The following GMEB1 variants were observed in gnomAD, a reference collection of about 807,000 sequenced individuals.
The protein encoded by GMEB1 is glucocorticoid modulatory element-binding protein 1.
A neutral mutation model predicts 52.4 loss-of-function variants in GMEB1; 6 were observed. The observed-to-expected ratio is 0.11, with a 90% CI of 0.06 to 0.23. The LOEUF (loss-of-function observed/expected upper bound fraction) is 0.23. Ranked by LOEUF, GMEB1 falls within the 10% of genes least tolerant of loss-of-function variation. The probability of loss-of-function intolerance (pLI) is 1.00; values close to 1 mark genes in which losing one functional copy is unlikely to be tolerated. For missense variants in GMEB1, 486 were observed against 685.6 expected, an observed-to-expected ratio of 0.71 and a Z score of 3.25; for synonymous variants, 255 against 244.9, an observed-to-expected ratio of 1.04 and a Z score of -0.38.
intron 6 of GMEB1, among the ~76,000 whole-genome samples, chr1:28,701,777 C>T (rs1670528862): frequency 6.6e-6 from 1 of 151,952 alleles, no homozygotes; most frequent in South Asian, 2.1e-4. Flanking sequence ...CCAGGCTGGC[C>T]TCAGACTCCT....
chr1:28,713,157 CAAAAAAAAA>C (rs1222945447), intron 9 of GMEB1, among the ~76,000 whole-genome samples: 2 of 76,450 alleles, frequency 2.6e-5, no homozygotes, highest in Admixed American at 1.5e-4. Context: ...GACTCCATCT[CAAAAAAAAA>C]AAAAAAAAAG....
intron 5 of GMEB1, among the ~76,000 whole-genome samples, chr1:28,696,113 G>A (rs1343310122): frequency 1.3e-5 from 2 of 150,950 alleles, no homozygotes; most frequent in Non-Finnish European, 2.9e-5. Flanking sequence ...TGTCACCCAG[G>A]CTGGAGTGCA....
At chr1:28,669,163 G>T (rs1171808687) in intron 1 of GMEB1, among the ~76,000 whole-genome samples, 8 of 151,426 alleles carry the variant, frequency 5.3e-5, no homozygotes, top group Admixed American at 5.3e-4. Context: ...ACCACTGGGG[G>T]GGCCCCGGCG....
In GMEB1 at chr1:28,714,840, T is replaced by A; in HGVS notation, c.*67T>A. ...TTTAATTATTTGTTTATTTTTATCA[T>A]TGTCCCACTCATTTCCACATAGGAC... On this transcript the variant is annotated 3_prime_UTR_variant, in exon 10 of 10. Coordinates refer to ENST00000373816, the MANE Select transcript of GMEB1 (RefSeq NM_001319674.2). 9.0e-7 allele frequency: 1 copy of A among 1,112,546 alleles called. No homozygotes were observed. Among genetic ancestry groups the A allele is most frequent in the Non-Finnish European group, 1.3e-6 (1 of 763,324 alleles). 68.9% of individuals were successfully genotyped at this position (1,112,546 alleles called of 1,614,324 possible). A position where few individuals can be genotyped will look rare whatever the true frequency, so the allele number is the denominator to read the frequency against.
upstream of GMEB1, among the ~76,000 whole-genome samples, chr1:28,668,363 ATCT>A (rs1339543020): frequency 6.6e-6 from 1 of 152,006 alleles, no homozygotes; most frequent in Non-Finnish European, 1.5e-5. Context: ...ATCTATGCAG[ATCT>A]TCTGATTGCA....
chr1:28,704,432 T>C, intron 8 of GMEB1, 103 bp downstream of exon 8: 1 of 866,722 alleles, frequency 1.2e-6, no homozygotes. Flanking sequence ...GGTATTATTA[T>C]CTTAATTTTA....
At chr1:28,681,227 A>G (rs1412099620) in intron 1 of GMEB1, among the ~76,000 whole-genome samples, 3 of 152,252 alleles carry the variant, frequency 2.0e-5, no homozygotes, top group East Asian at 3.9e-4. Context: ...GTGATGTTTC[A>G]AGTAAATCAC....
At chr1:28,696,859 C>T (rs1670231888) in intron 5 of GMEB1, 68 bp from the exon 6 acceptor site, 1 of 1,233,134 alleles carries the variant, frequency 8.1e-7, no homozygotes, top group Non-Finnish European at 1.1e-6. Context: ...CCCTATTTTT[C>T]CCTGAGGCCT....
At chr1:28,678,169 A>G (rs185326370) in intron 1 of GMEB1, among the ~76,000 whole-genome samples, 243 of 151,458 alleles carry the variant, frequency 1.6e-3, no homozygotes, top group African/African-American at 5.5e-3. Flanking sequence ...AGCCTGGGGT[A>G]TAAGAGTGAG....
Position 28,710,562 on chromosome 1 carries a change from T to C in GMEB1, c.911T>C (p.Met304Thr). ...AATGTAGCACACACATTTGGCCTAATGGACACAGTCAAGAAGGTTTTAGAC... is the reference window on the plus strand; with the variant it reads ...AATGTAGCACACACATTTGGCCTAACGGACACAGTCAAGAAGGTTTTAGAC... Reference protein sequence around the residue: ...LNNVAHTFGLMDTVKKVLDNR... With the variant: ...LNNVAHTFGLTDTVKKVLDNR... The change falls in exon 9 of 10, where the codon ATG becomes ACG. Residue 304 changes from methionine (M) to threonine (T), a missense_variant. Met to Thr is a moderately conservative substitution (Grantham distance 81). Transcript: ENST00000373816. The C allele has an allele frequency of 1.2e-6, 2 of 1,611,324 alleles. No individual in the cohort carries two copies. Among genetic ancestry groups the C allele is most frequent in the Non-Finnish European group, 1.7e-6 (2 of 1,178,602 alleles).
intron 3 of GMEB1, among the ~76,000 whole-genome samples, chr1:28,690,404 A>G (rs537486811): frequency 3.9e-5 from 6 of 152,090 alleles, no homozygotes; most frequent in East Asian, 3.9e-4. Context: ...GTTAATGTCA[A>G]TTTGGAAGGG....
intron 1 of GMEB1, among the ~76,000 whole-genome samples, chr1:28,669,235 C>T (rs1349107729): frequency 2.0e-5 from 3 of 151,774 alleles, no homozygotes; most frequent in African/African-American, 4.8e-5. Context: ...GGAGTGACTC[C>T]GGACTGAGAG....
intron 6 of GMEB1, among the ~76,000 whole-genome samples, chr1:28,701,932 T>C (rs990813515): frequency 1.8e-4 from 28 of 152,196 alleles, no homozygotes; most frequent in Non-Finnish European, 4.4e-5. Flanking sequence ...GAATCTCTTA[T>C]CTGATTTTTA....
chr1:28,675,869 C>T (rs1669132482), intron 1 of GMEB1, among the ~76,000 whole-genome samples: 1 of 152,104 alleles, frequency 6.6e-6, no homozygotes, highest in Non-Finnish European at 1.5e-5. Flanking sequence ...TTAGAGATGA[C>T]CTTGCATTTA....
intron 1 of GMEB1, among the ~76,000 whole-genome samples, chr1:28,672,501 GC>G (rs1294924204): frequency 1.3e-5 from 2 of 151,584 alleles, no homozygotes; most frequent in Non-Finnish European, 2.9e-5. Context: ...GGGATTACAG[GC>G]TTGAGCCACC....
At chr1:28,683,550 G>A in intron 1 of GMEB1, 33 bp from the exon 2 acceptor site, 2 of 1,538,294 alleles carry the variant, frequency 1.3e-6, no homozygotes, top group Non-Finnish European at 1.8e-6. Context: ...TTTTAAACCA[G>A]ATTAAGTTAT....
intron 7 of GMEB1, 29 bp downstream of exon 7, chr1:28,702,598 G>T (rs565392146): frequency 6.2e-7 from 1 of 1,604,648 alleles, no homozygotes; most frequent in Non-Finnish European, 8.5e-7. Context: ...CAGATGTCTT[G>T]CAGGGTCTTG....
intron 6 of GMEB1, among the ~76,000 whole-genome samples, chr1:28,699,734 T>A (rs1012807982): frequency 6.6e-6 from 1 of 151,592 alleles, no homozygotes; most frequent in Non-Finnish European, 1.5e-5. Context: ...CTGGCCCTTT[T>A]TTGTTTTTTT....
In GMEB1 at chr1:28,698,376, T is replaced by TA. The variant is rs879350824; in HGVS notation, c.598+1306dup. On this transcript the variant is annotated intron_variant, in intron 6 of 9. Coordinates refer to ENST00000373816, the MANE Select transcript of GMEB1 (RefSeq NM_001319674.2). ...CTGGCAATAGAGCAAGACTCCGTCTTAAAAAAAAAAAAAAGAAGCCTGGGC... is the reference window on the plus strand; with the variant it reads ...CTGGCAATAGAGCAAGACTCCGTCTTAAAAAAAAAAAAAAAGAAGCCTGGGC... Among the ~76,000 whole-genome samples the TA allele has an allele frequency of 6.4e-3, 873 of 137,028 alleles. 8 individuals are homozygous for TA. Among genetic ancestry groups the TA allele is most frequent in the African/African-American group, 0.015 (558 of 37,174 alleles). 89.9% of individuals were successfully genotyped at this position (137,028 alleles called of 152,430 possible). A position where few individuals can be genotyped will look rare whatever the true frequency, so the allele number is the denominator to read the frequency against.
Sources: allele counts gnomAD v4.1 joint callset (sites outside exome capture counted in the v4.1 genomes callset), GRCh38; gene constraint gnomAD v4.1.1; transcripts MANE v1.5; gene names NCBI Gene and HGNC (gene_info 2026-07-23, HGNC 2026-07-21).